CLEC4F: variants seen among roughly 807,000 people sequenced by gnomAD.
CLEC4F encodes C-type (calcium dependent, carbohydrate-recognition domain) lectin, superfamily member 13.
In CLEC4F, 45 loss-of-function variants were observed where a neutral mutation model predicts 53.4. The observed-to-expected ratio is 0.84, with a 90% CI of 0.66 to 1.08. The LOEUF is 1.08. CLEC4F is among the 50% of genes least tolerant of loss of function. The pLI, the probability that CLEC4F is intolerant of heterozygous loss-of-function variation, is 0.00. For synonymous variants in CLEC4F, 245 were observed against 257.5 expected, an observed-to-expected ratio of 0.95 and a Z score of 0.46; for missense variants, 753 against 698.2, an observed-to-expected ratio of 1.08 and a Z score of -0.88.
chr2:70,809,061 C>T lies in CLEC4F; in HGVS notation c.*210G>A. Reference sequence around the variant, plus strand: ...CATTCTTGTGCCGCCAGTTGTCAGACTGATTCTTTTCCCAAAACCCGAAGA... The same window carrying T: ...CATTCTTGTGCCGCCAGTTGTCAGATTGATTCTTTTCCCAAAACCCGAAGA... On this transcript the variant is annotated 3_prime_UTR_variant, in exon 7 of 7. Coordinates refer to ENST00000272367, the MANE Select transcript of CLEC4F (RefSeq NM_173535.3). 6.5e-7 allele frequency: 1 copy of T among 1,540,902 alleles called. No individual in the cohort carries two copies. The highest frequency in any genetic ancestry group is 8.7e-7 in the Non-Finnish European group (1 of 1,145,748).
At chr2:70,817,469 G>C (rs557387283) in intron 3 of CLEC4F, among the ~76,000 whole-genome samples, 2 of 152,182 alleles carry the variant, frequency 1.3e-5, no homozygotes, top group African/African-American at 2.4e-5. Context: ...ATCATTTAGA[G>C]CTGTTGAAGT....
chr2:70,811,970 T>G (rs10184940), intron 5 of CLEC4F, among the ~76,000 whole-genome samples: 2 of 152,114 alleles, frequency 1.3e-5, no homozygotes, highest in Non-Finnish European at 2.9e-5. Flanking sequence ...CACAGCTACT[T>G]GGGGAGCTGA....
Position 70,816,335 on chromosome 2 carries a change from T to C in CLEC4F, c.1046A>G (p.Asn349Ser), listed in dbSNP as rs35381972. The change falls in exon 4 of 7, where the codon AAT (asparagine) becomes AGT (serine). Residue 349 changes from asparagine to serine, a missense_variant. Physicochemically the swap from Asn to Ser is conservative, Grantham distance 46 (BLOSUM62 1). Transcript: ENST00000272367. ...AGTATCTGTCTGGTCCAGACGGCCA[T>C]TTGCTTTTTGGGTCTGGGCTGTGAC... Reference protein sequence around the residue: ...KMVTAQTQKANGRLDQTDTQI... With the variant: ...KMVTAQTQKASGRLDQTDTQI... 16,161 of 1,614,200 alleles carry C rather than the reference T, an allele frequency of 0.01. 109 individuals carry two copies. Among genetic ancestry groups the C allele is most frequent in the Non-Finnish European group, 0.013 (14,772 of 1,180,028 alleles).
At chr2:70,823,120 T>C (rs1377322136), upstream of CLEC4F, among the ~76,000 whole-genome samples, 1 of 138,060 alleles carries the variant, frequency 7.2e-6, no homozygotes, top group Admixed American at 7.0e-5. Flanking sequence ...GGTGTGTGTG[T>C]TTGTGTGTGT....
At chr2:70,820,138 G>C (rs184771253) in intron 1 of CLEC4F, among the ~76,000 whole-genome samples, 1 of 152,200 alleles carries the variant, frequency 6.6e-6, no homozygotes, top group East Asian at 1.9e-4. Context: ...CGAGACCACC[G>C]ATCTCCAAAT....
chr2:70,817,211 G>GTTA, intron 3 of CLEC4F, 99 bp from the exon 4 acceptor site: 3 of 1,299,464 alleles, frequency 2.3e-6, no homozygotes, highest in Non-Finnish European at 3.1e-6. Flanking sequence ...CAAGGGAAAT[G>GTTA]GGTACTGCAC....
In CLEC4F at chr2:70,809,080, C is replaced by T; in HGVS notation, c.*191G>A. ...GTCAGACTGATTCTTTTCCCAAAAC[C>T]CGAAGACAACAGGGCTTTATACTGT... On this transcript the variant is annotated 3_prime_UTR_variant, in exon 7 of 7. Coordinates refer to ENST00000272367, the MANE Select transcript of CLEC4F (RefSeq NM_173535.3). 3 of 1,546,468 alleles carry T rather than the reference C, an allele frequency of 1.9e-6. No individual in the cohort carries two copies. The highest frequency in any genetic ancestry group is 2.6e-6 in the Non-Finnish European group (3 of 1,146,920).
At chr2:70,823,796 A>G (rs556065396), upstream of CLEC4F, among the ~76,000 whole-genome samples, 2 of 152,266 alleles carry the variant, frequency 1.3e-5, no homozygotes, top group South Asian at 4.1e-4. Flanking sequence ...TGTGAGGCCG[A>G]GGCAGGTGGA....
At chr2:70,814,908 G>A (rs536886535) in intron 4 of CLEC4F, among the ~76,000 whole-genome samples, 2 of 152,014 alleles carry the variant, frequency 1.3e-5, no homozygotes, top group South Asian at 2.1e-4. Flanking sequence ...CTCCTTGGGC[G>A]ATTCCAGTGT....
intron 3 of CLEC4F, among the ~76,000 whole-genome samples, chr2:70,818,637 G>A (rs1214071624): frequency 6.6e-6 from 1 of 151,954 alleles, no homozygotes; most frequent in Non-Finnish European, 1.5e-5. Context: ...CATGAACCTG[G>A]GAGGCAGAGC....
chr2:70,816,114 T>A lies in CLEC4F; in HGVS notation c.1267A>T (p.Arg423Trp). 1 of 1,614,236 alleles carries A rather than the reference T, an allele frequency of 6.2e-7. No individual in the cohort carries two copies. Among genetic ancestry groups the A allele is most frequent in the East Asian group, 2.2e-5 (1 of 44,890 alleles). ...GTGTTCTCTAGATCCCCTCTTAACC[T>A]CTGGATCTCGGCACTGGCCTTCTGC... ...NLQKASAEIQ[R>W]LRGDLENTKA... Residue 423 changes from arginine to tryptophan, a missense_variant, in exon 4 of 7, where the codon AGG becomes TGG. Arg to Trp is a moderately radical substitution (Grantham distance 101). Coordinates refer to ENST00000272367, the MANE Select transcript of CLEC4F (RefSeq NM_173535.3).
chr2:70,809,691 C>A, intron 6 of CLEC4F, 48 bp downstream of exon 6: 1 of 1,396,772 alleles, frequency 7.2e-7, no homozygotes. Context: ...GTAGCTAGGT[C>A]CACCAAAGAC....
chr2:70,821,616 G>A (rs1214872947), upstream of CLEC4F, among the ~76,000 whole-genome samples: 2 of 152,168 alleles, frequency 1.3e-5, no homozygotes, highest in African/African-American at 2.4e-5. Flanking sequence ...TCTTCATCAG[G>A]CTGTTTTTGT....
rs1387040928 is a variant in CLEC4F, at chr2:70,812,480, G to A, written c.1506C>T (p.Ala502=). 2 of 1,613,998 alleles carry A rather than the reference G, an allele frequency of 1.2e-6. No individual in the cohort carries two copies. The highest frequency in any genetic ancestry group is 1.7e-6 in the Non-Finnish European group (2 of 1,180,018). The change falls in exon 5 of 7, where the codon GCC becomes GCT. Residue 502 remains alanine (A), a synonymous_variant. Coordinates refer to ENST00000272367, the MANE Select transcript of CLEC4F (RefSeq NM_173535.3). ...EAEQFCVSQG[A]HLASVASKEE... is the part of the protein sequence containing the mutation. ...CCTTGGAGGCCACAGATGCCAGATG[G>A]GCTCCCTGGGACACGCAGAACTGCT... is the stretch of plus-strand genomic sequence containing the variant.
chr2:70,824,246 G>A (rs1402549431), upstream of CLEC4F, among the ~76,000 whole-genome samples: 14 of 149,300 alleles, frequency 9.4e-5, no homozygotes, highest in Non-Finnish European at 1.9e-4. Flanking sequence ...ACAAAATACA[G>A]CAACAACAAT....
upstream of CLEC4F, among the ~76,000 whole-genome samples, chr2:70,824,622 C>CAAAAAAAAAA (rs1180721472): frequency 5.2e-5 from 2 of 38,768 alleles, no homozygotes; most frequent in African/African-American, 1.0e-4. Context: ...GCTTAGTTAC[C>CAAAAAAAAAA]AAAAAAAAAA....
chr2:70,820,195 G>A (rs1677160004), intron 1 of CLEC4F, among the ~76,000 whole-genome samples: 1 of 152,204 alleles, frequency 6.6e-6, no homozygotes, highest in Admixed American at 6.5e-5. Context: ...CTGGCACAGA[G>A]CACAGAGCAA....
Position 70,816,564 on chromosome 2 carries a change from C to A in CLEC4F, c.817G>T (p.Val273Phe), listed in dbSNP as rs1553396048. ...SVNDLRTQNQVLRNSLEGANA... is the reference protein window; with the variant it reads ...SVNDLRTQNQFLRNSLEGANA... Reference sequence around the variant, plus strand: ...GCTCCTTCCAAACTATTTCTTAAAACCTGGTTCTGGGTCCTCAAGTCATTG... The same window carrying A: ...GCTCCTTCCAAACTATTTCTTAAAAACTGGTTCTGGGTCCTCAAGTCATTG... The change falls in exon 4 of 7, where the codon GTT (valine) becomes TTT (phenylalanine). Residue 273 changes from valine (V) to phenylalanine (F), a missense_variant. Physicochemically the swap from Val to Phe is conservative, Grantham distance 50. Coordinates refer to ENST00000272367, the MANE Select transcript of CLEC4F (RefSeq NM_173535.3). 6.2e-7 allele frequency: 1 copy of A among 1,613,922 alleles called. No individual in the cohort carries two copies. The highest frequency in any genetic ancestry group is 1.1e-5 in the South Asian group (1 of 91,078).
Position 70,815,995 on chromosome 2 carries a change from T to C in CLEC4F, c.1386A>G (p.Gln462=), listed in dbSNP as rs956500056. ...ITSQEQLQRT[Q]SQLLQMVLQG... ...ACGCGACTCCCCTCTCCCACTTACT[T>C]TGGGTTCTTTGTAGCTGTTCCTGTG... is the stretch of plus-strand genomic sequence containing the variant. The change falls in exon 4 of 7, where the codon CAA becomes CAG. Residue 462 remains glutamine (Q), a splice_region_variant and synonymous_variant. Coordinates refer to ENST00000272367, the MANE Select transcript of CLEC4F (RefSeq NM_173535.3). 1.2e-6 allele frequency: 2 copies of C among 1,611,114 alleles called. No homozygotes were observed. Among genetic ancestry groups the C allele is most frequent in the African/African-American group, 1.3e-5 (1 of 74,904 alleles).
Sources: allele counts gnomAD v4.1 joint callset (sites outside exome capture counted in the v4.1 genomes callset), GRCh38; gene constraint gnomAD v4.1.1; transcripts MANE v1.5; gene names NCBI Gene and HGNC (gene_info 2026-07-23, HGNC 2026-07-21).